The following ARHGAP10 variants were observed in gnomAD, a reference collection of about 807,000 sequenced individuals.
ARHGAP10 encodes the protein Rho GTPase activating protein 10.
A neutral mutation model predicts 108.6 loss-of-function variants in ARHGAP10; 87 were observed. The observed-to-expected ratio is 0.80, with a 90% CI of 0.67 to 0.96. ARHGAP10 has a LOEUF of 0.96. ARHGAP10 is among the 40% of genes least tolerant of loss of function. The pLI, the probability that ARHGAP10 is intolerant of heterozygous loss-of-function variation, is 0.00. For missense variants in ARHGAP10, 939 were observed against 954.5 expected (o/e 0.98, Z 0.21); for synonymous variants, 347 against 341.1 (o/e 1.02, Z -0.19).
At chr4:147,875,299 A>C in intron 8 of ARHGAP10, 149 bp downstream of exon 8, 6 of 934,600 alleles carry the variant, frequency 6.4e-6, no homozygotes, top group Non-Finnish European at 8.9e-6. Context: ...TGTATATTTC[A>C]TGTTTAGGAG....
intron 7 of ARHGAP10, among the ~76,000 whole-genome samples, chr4:147,872,478 C>G (rs1285358733): frequency 6.6e-6 from 1 of 152,196 alleles, no homozygotes; most frequent in East Asian, 1.9e-4. Flanking sequence ...TTTATATAAA[C>G]ACGTGTGCTC....
chr4:147,765,391 C>T (rs2126710836), intron 1 of ARHGAP10, among the ~76,000 whole-genome samples: 1 of 149,088 alleles, frequency 6.7e-6, no homozygotes, highest in East Asian at 2.0e-4. Context: ...ATTTTCATTC[C>T]TGACAGACTG....
intron 1 of ARHGAP10, among the ~76,000 whole-genome samples, chr4:147,737,318 T>G (rs982517861): frequency 6.7e-6 from 1 of 149,320 alleles, no homozygotes; most frequent in Middle Eastern, 3.4e-3. Flanking sequence ...GCCCAGCTAA[T>G]TTTTGTACTT....
chr4:147,973,541 C>T (rs1420495353), intron 18 of ARHGAP10, among the ~76,000 whole-genome samples: 1 of 152,136 alleles, frequency 6.6e-6, no homozygotes, highest in Non-Finnish European at 1.5e-5. Flanking sequence ...TACAAGCAAT[C>T]CAGTTATACT....
At chr4:147,970,060 C>T (rs1049331562) in intron 18 of ARHGAP10, among the ~76,000 whole-genome samples, 51 of 152,134 alleles carry the variant, frequency 3.4e-4, no homozygotes, top group African/African-American at 1.2e-3. Flanking sequence ...TTCCCCATTA[C>T]CTCGCCTTGT....
At chr4:147,776,639 T>A (rs1401551329) in intron 1 of ARHGAP10, among the ~76,000 whole-genome samples, 1 of 152,116 alleles carries the variant, frequency 6.6e-6, no homozygotes, top group Non-Finnish European at 1.5e-5. Flanking sequence ...GTTCTAGAAC[T>A]TTTGATAAAT....
chr4:147,857,748 G>A, intron 5 of ARHGAP10, 94 bp downstream of exon 5: 3 of 1,112,298 alleles, frequency 2.7e-6, no homozygotes, highest in Admixed American at 4.3e-5. Context: ...CTTTTCATCT[G>A]GCATTATATA....
chr4:147,901,061 A>G (rs115297352), intron 10 of ARHGAP10, among the ~76,000 whole-genome samples: 1,530 of 152,308 alleles, frequency 0.01, 24 homozygotes, highest in African/African-American at 0.034. Flanking sequence ...CTTTGTTTCA[A>G]AAACTACAGA....
At chr4:147,964,627 A>G (rs1025501009) in intron 16 of ARHGAP10, among the ~76,000 whole-genome samples, 7 of 152,242 alleles carry the variant, frequency 4.6e-5, no homozygotes, top group Non-Finnish European at 8.8e-5. Context: ...TGTAACATGC[A>G]ATAGCCTATT....
intron 12 of ARHGAP10, among the ~76,000 whole-genome samples, chr4:147,911,937 GT>G (rs11365271): frequency 0.88 from 125,234 of 142,730 alleles, 55,405 homozygotes; most frequent in East Asian, 0.97. Context: ...TTCCTCCTAG[GT>G]TTTTTTTTTT....
chr4:147,892,951 A>T (rs1418612922), intron 10 of ARHGAP10, among the ~76,000 whole-genome samples: 2 of 152,232 alleles, frequency 1.3e-5, no homozygotes, highest in Non-Finnish European at 2.9e-5. Flanking sequence ...CTTCTGCAAC[A>T]AAACATCATC....
intron 1 of ARHGAP10, among the ~76,000 whole-genome samples, chr4:147,749,374 C>T (rs895612787): frequency 6.6e-6 from 1 of 152,206 alleles, no homozygotes; most frequent in African/African-American, 2.4e-5. Flanking sequence ...TAGCAGTTTA[C>T]TGGCTTAATT....
intron 18 of ARHGAP10, among the ~76,000 whole-genome samples, chr4:147,999,820 C>A (rs867797209): frequency 6.6e-6 from 1 of 152,134 alleles, no homozygotes; most frequent in East Asian, 1.9e-4. Flanking sequence ...GCCCTGCCCC[C>A]CTCGTTTACA....
chr4:147,782,103 T>C (rs1213530008), intron 1 of ARHGAP10, among the ~76,000 whole-genome samples: 1 of 152,208 alleles, frequency 6.6e-6, no homozygotes, highest in Non-Finnish European at 1.5e-5. Context: ...AACAGTTTTA[T>C]TGCTAGTGCA....
At chr4:147,964,219 C>T (rs1739117633) in intron 16 of ARHGAP10, among the ~76,000 whole-genome samples, 1 of 152,184 alleles carries the variant, frequency 6.6e-6, no homozygotes, top group Admixed American at 6.5e-5. Context: ...TACTCTCCTG[C>T]CCTTGTCACT....
chr4:147,974,578 A>C (rs894015393), intron 18 of ARHGAP10, among the ~76,000 whole-genome samples: 1 of 152,160 alleles, frequency 6.6e-6, no homozygotes, highest in Admixed American at 6.5e-5. Flanking sequence ...TGAGGGTTTT[A>C]ATTGGATTTT....
chr4:147,911,570 G>T (rs906375806), intron 12 of ARHGAP10, among the ~76,000 whole-genome samples: 1 of 152,156 alleles, frequency 6.6e-6, no homozygotes, highest in South Asian at 2.1e-4. Flanking sequence ...CACCGTGTTA[G>T]CCAGGATGGT....
intron 18 of ARHGAP10, among the ~76,000 whole-genome samples, chr4:147,997,438 A>G (rs1740517763): frequency 6.6e-6 from 1 of 152,236 alleles, no homozygotes; most frequent in Admixed American, 6.5e-5. Flanking sequence ...GACATCCAAA[A>G]CAACATTTCA....
chr4:147,864,522 C>A, intron 5 of ARHGAP10: 1 of 203,314 alleles, frequency 4.9e-6, no homozygotes, highest in East Asian at 1.3e-4. Context: ...AAGAGAAGTC[C>A]CTTTGATCTT....
Sources: gnomAD v4.1 joint callset for allele counts (sites outside exome capture counted in the v4.1 genomes callset) on GRCh38, gnomAD v4.1.1 for gene constraint, MANE v1.5 for transcripts, NCBI Gene and HGNC (gene_info 2026-07-23, HGNC 2026-07-21) for gene names.